The following HOXA3 variants were observed in gnomAD, a reference collection of about 807,000 sequenced individuals.
HOXA3 encodes the protein homeobox A3.
HOXA3 carries 8 observed loss-of-function variants against 30.3 expected under a neutral mutation model. That is an observed-to-expected ratio of 0.26 (90% CI 0.15 to 0.48). HOXA3 has a LOEUF of 0.48. Ranked by LOEUF, HOXA3 falls within the 20% of genes least tolerant of loss-of-function variation. HOXA3 has a pLI of 0.99. For missense variants in HOXA3, 653 were observed against 614.4 expected, an observed-to-expected ratio of 1.06 and a Z score of -0.66; for synonymous variants, 323 against 273.1, an observed-to-expected ratio of 1.18 and a Z score of -1.80.
chr7:27,133,375 T>C (rs1785619999), intron 2 of HOXA3, among the ~76,000 whole-genome samples: 1 of 152,154 alleles, frequency 6.6e-6, no homozygotes, highest in African/African-American at 2.4e-5. Flanking sequence ...ACTAACTCAA[T>C]TAATAAACAA....
At chr7:27,130,114 G>T in intron 2 of HOXA3, 1 of 1,596,070 alleles carries the variant, frequency 6.3e-7, no homozygotes. Flanking sequence ...GCGGCGCCAC[G>T]TACCGGCGCT....
At chr7:27,119,692 A>C (rs1784910384) in intron 4 of HOXA3, 1 of 152,188 alleles carries the variant, frequency 6.6e-6, no homozygotes, top group Non-Finnish European at 1.5e-5. Context: ...GAGGCTGTGC[A>C]TGATTCCTCC....
intron 3 of HOXA3, among the ~76,000 whole-genome samples, chr7:27,126,379 A>G (rs1335303358): frequency 6.6e-6 from 1 of 152,118 alleles, no homozygotes; most frequent in Admixed American, 6.5e-5. Flanking sequence ...TGGTAAAATT[A>G]TAGAGCTTAC....
At position 27,108,148 on chromosome 7, in the gene HOXA3, C is replaced by A. The variant is rs1430317144; in HGVS notation, c.1099G>T (p.Val367Leu). The A allele has an allele frequency of 2.5e-6, 4 of 1,585,318 alleles. No individual in the cohort carries two copies. Among genetic ancestry groups the A allele is most frequent in the Non-Finnish European group, 2.6e-6 (3 of 1,162,502 alleles). Residue 367 changes from valine (V) to leucine (L), a missense_variant, in exon 6 of 6, where the codon GTG (valine) becomes TTG (leucine). Around this residue, in one of 3 missense-constraint regions of HOXA3, gnomAD observed 330 missense variants for 274.4 expected, o/e 1.20. Transcript: ENST00000612286. The surrounding 1 kb of genome is among the most constrained non-coding windows in gnomAD (Gnocchi z 5.0). ...TPHIQGSPVF[V>L]GGSYVEPMSN... ...ATGGGCTCCACATAGCTGCCCCCCA[C>A]GAAGACGGGGCTTCCCTGTATGTGT...
Position 27,108,383 on chromosome 7 carries a change from C to T in HOXA3, c.864G>A (p.Pro288=), listed in dbSNP as rs1036548716. The change falls in exon 6 of 6, where the codon CCG becomes CCA. Residue 288 remains proline (P), a synonymous_variant. Transcript: ENST00000612286. The surrounding 1 kb of genome is among the most constrained non-coding windows in gnomAD (Gnocchi z 5.0). ...AGGGCGGGGGCGACTGGGGCTCATACGGGACGCTGTTGACCAGCGAATGCA... is the reference window on the plus strand; with the variant it reads ...AGGGCGGGGGCGACTGGGGCTCATATGGGACGCTGTTGACCAGCGAATGCA... ...NSMHSLVNSV[P]YEPQSPPPFS... 4 of 1,588,954 alleles carry T rather than the reference C, an allele frequency of 2.5e-6. No individual in the cohort carries two copies. Among genetic ancestry groups the T allele is most frequent in the Non-Finnish European group, 3.4e-6 (4 of 1,165,336 alleles).
intron 5 of HOXA3, among the ~76,000 whole-genome samples, chr7:27,109,834 C>T (rs376893817): frequency 6.6e-6 from 1 of 152,204 alleles, no homozygotes; most frequent in South Asian, 2.1e-4. Context: ...GTCCTAACTC[C>T]AAGAGTGGAG....
chr7:27,126,748 C>T (rs17471846), intron 3 of HOXA3, 138 bp downstream of exon 3: 1 of 152,210 alleles, frequency 6.6e-6, no homozygotes, highest in Non-Finnish European at 1.5e-5. Flanking sequence ...AATCCTCTCT[C>T]TTCCCTTTCT....
rs1784475102 is a variant in HOXA3, at chr7:27,113,195, A to G, written c.-120-2435T>C. On this transcript the variant is annotated intron_variant, in intron 4 of 5. Transcript: ENST00000612286. The surrounding 1 kb of genome is among the most constrained non-coding windows in gnomAD (Gnocchi z 4.8). ...CTGGACAATAATCCCCAGGTGCAAG[A>G]GCCGAAAGAGAGTTGAAGAGGCTAA... Among the ~76,000 whole-genome samples, 1 of 152,208 alleles carries G rather than the reference A, an allele frequency of 6.6e-6. No homozygotes were observed.
chr7:27,113,651 G>A lies in HOXA3; in HGVS notation c.-120-2891C>T, dbSNP rs961030859. 4 of 152,284 alleles carry A rather than the reference G, an allele frequency of 2.6e-5. No homozygotes were observed. Among genetic ancestry groups the A allele is most frequent in the Admixed American group, 2.6e-4 (4 of 15,290 alleles). The allele number at this position is 152,284 out of a possible 1,614,324, so 9.4% of individuals were successfully genotyped here. ...TTAACTTCTGACGAGCGCAGGCTCG[G>A]GCTCAGGCTCCGACACGGGCTCTGG... is the stretch of plus-strand genomic sequence containing the variant. On this transcript the variant is annotated intron_variant, in intron 4 of 5. Transcript: ENST00000612286. This position sits in a 1 kb window ranked among gnomAD's most constrained non-coding sequence, Gnocchi z 4.8.
At chr7:27,142,761 GC>G (rs1229399413) in intron 1 of HOXA3, 2 of 409,730 alleles carry the variant, frequency 4.9e-6, no homozygotes. Flanking sequence ...TGACCCGGGA[GC>G]GCGTCCCAAG....
At chr7:27,137,220 C>T (rs1188776762) in intron 2 of HOXA3, among the ~76,000 whole-genome samples, 1 of 152,186 alleles carries the variant, frequency 6.6e-6, no homozygotes, top group Non-Finnish European at 1.5e-5. Context: ...TTCTGTCTTG[C>T]TCTCTCAGAG....
At chr7:27,129,456 G>C (rs1562722062) in intron 2 of HOXA3, 3 of 1,614,092 alleles carry the variant, frequency 1.9e-6, no homozygotes, top group East Asian at 2.2e-5. Context: ...TCTCGATGCG[G>C]CGCCGCCGGG....
At chr7:27,143,660 ATAGCACCCT>A in intron 1 of HOXA3, 1 of 1,544,002 alleles carries the variant, frequency 6.5e-7, no homozygotes, top group Non-Finnish European at 8.7e-7. Context: ...TTGTGCGTCT[ATAGCACCCT>A]TGCACAATTT....
At chr7:27,146,061 C>T in intron 1 of HOXA3, 1 of 924,784 alleles carries the variant, frequency 1.1e-6, no homozygotes, top group Non-Finnish European at 1.6e-6. Flanking sequence ...GGGCCCAAAG[C>T]ATACTGAATG....
chr7:27,139,754 C>T (rs1262577603), intron 2 of HOXA3, among the ~76,000 whole-genome samples: 1 of 152,206 alleles, frequency 6.6e-6, no homozygotes, highest in East Asian at 1.9e-4. Context: ...GGGTGCGGCC[C>T]TGCCAGGTCC....
chr7:27,130,314 C>T (rs1215062512), intron 2 of HOXA3: 9 of 1,061,876 alleles, frequency 8.5e-6, no homozygotes, highest in Non-Finnish European at 1.0e-5. Flanking sequence ...GGGGCGGCGG[C>T]AGCTGGGGCT....
At chr7:27,150,214 C>G (rs978886289) in intron 1 of HOXA3, 3 of 152,102 alleles carry the variant, frequency 2.0e-5, no homozygotes, top group Admixed American at 6.5e-5. Flanking sequence ...AATAGGCACC[C>G]CAGACCCTCC....
At position 27,132,765 on chromosome 7, in the gene HOXA3, A is replaced by G. The variant is rs138648875; in HGVS notation, c.-389-5695T>C. ...ATAATATACACATAGGTTATATAAAATGTAATATAAATAATATATAGACAT... is the reference window on the plus strand; with the variant it reads ...ATAATATACACATAGGTTATATAAAGTGTAATATAAATAATATATAGACAT... On this transcript the variant is annotated intron_variant, in intron 2 of 5. Coordinates refer to ENST00000612286, the MANE Select transcript of HOXA3 (RefSeq NM_153631.3). Among the ~76,000 whole-genome samples, 255 of 152,354 alleles carry G rather than the reference A, an allele frequency of 1.7e-3. 1 individual carries two copies. The highest frequency in any genetic ancestry group is 5.8e-3 in the African/African-American group (242 of 41,580).
At position 27,110,517 on chromosome 7, in the gene HOXA3, C is replaced by G; in HGVS notation, c.124G>C (p.Asp42His). ...CAGGCGGGTCGGTGGTACTCGCCGT[C>G]GGCGCCCAAAGCGGCGGACGCCGGG... ...PYPASAALGA[D>H]GEYHRPACSL... Residue 42 changes from aspartate to histidine, a missense_variant, in exon 5 of 6, where the codon GAC (aspartate) becomes CAC (histidine). By Grantham distance (81) the Asp-to-His change is moderately conservative (BLOSUM62 -1). This residue lies in a region of HOXA3 where 320 missense variants were observed against 321.9 expected (regional missense o/e 0.99). Coordinates refer to ENST00000612286, the MANE Select transcript of HOXA3 (RefSeq NM_153631.3). The G allele has an allele frequency of 1.2e-6, 2 of 1,606,086 alleles. No individual in the cohort carries two copies. Among genetic ancestry groups the G allele is most frequent in the East Asian group, 4.5e-5 (2 of 44,592 alleles).
Sources: allele counts gnomAD v4.1 joint callset (sites outside exome capture counted in the v4.1 genomes callset), GRCh38; gene constraint gnomAD v4.1.1; regional missense constraint gnomAD v4.1.1; non-coding constraint Gnocchi (gnomAD v3.1); transcripts MANE v1.5; gene names NCBI Gene and HGNC (gene_info 2026-07-23, HGNC 2026-07-21).